Variants in VWA3B observed in about 807,000 individuals in gnomAD.
VWA3B encodes the protein von Willebrand factor A domain containing 3B.
In VWA3B, 138 loss-of-function variants were observed where a neutral mutation model predicts 158.3. That is an observed-to-expected ratio of 0.87 (90% CI 0.76 to 1.00). The LOEUF is 1.00. Among genes scored for constraint, VWA3B ranks in the 50% least tolerant of loss-of-function variants. The pLI is 0.00. For missense variants in VWA3B, 1,555 were observed against 1,565.1 expected, an observed-to-expected ratio of 0.99 and a Z score of 0.11; for synonymous variants, 596 against 587.3, an observed-to-expected ratio of 1.01 and a Z score of -0.21.
the VWA3B span, among the ~76,000 whole-genome samples, chr2:98,322,857 A>G: frequency 1.3e-5 from 2 of 152,088 alleles, no homozygotes; most frequent in Non-Finnish European, 2.9e-5. Flanking sequence ...ATTTGAAGCC[A>G]TAAGAACAGA....
chr2:98,198,286 G>A (rs1001040097), intron 12 of VWA3B, among the ~76,000 whole-genome samples: 4 of 151,884 alleles, frequency 2.6e-5, no homozygotes, highest in African/African-American at 7.3e-5. Context: ...ATATAGTTTC[G>A]ATATTGCTAG....
At chr2:98,139,436 G>T (rs890892662) in intron 7 of VWA3B, among the ~76,000 whole-genome samples, 9 of 152,254 alleles carry the variant, frequency 5.9e-5, no homozygotes, top group Non-Finnish European at 1.3e-4. Context: ...CCCCTGTGTG[G>T]GATCCACTGG....
chr2:98,130,185 T>A (rs1675749266), intron 6 of VWA3B, among the ~76,000 whole-genome samples: 2 of 152,228 alleles, frequency 1.3e-5, no homozygotes, highest in Non-Finnish European at 2.9e-5. Context: ...GCTTTTGATG[T>A]GCATATACAT....
chr2:98,165,256 C>T (rs998336103), intron 8 of VWA3B, among the ~76,000 whole-genome samples: 2 of 152,234 alleles, frequency 1.3e-5, no homozygotes, highest in African/African-American at 2.4e-5. Flanking sequence ...GAGACAGGTG[C>T]TACTGCTAGT....
intron 12 of VWA3B, among the ~76,000 whole-genome samples, chr2:98,198,897 T>G (rs1682284152): frequency 6.6e-6 from 1 of 151,974 alleles, no homozygotes; most frequent in African/African-American, 2.4e-5. Flanking sequence ...CCATCCTGGC[T>G]AACATGGTGA....
intron 15 of VWA3B, among the ~76,000 whole-genome samples, chr2:98,229,512 G>A (rs911479742): frequency 1.3e-5 from 2 of 152,248 alleles, no homozygotes; most frequent in African/African-American, 4.8e-5. Flanking sequence ...AAACATGCAA[G>A]CGTTTCTGGG....
chr2:98,087,913 T>G (rs1222418541), intron 1 of VWA3B, among the ~76,000 whole-genome samples: 1 of 152,234 alleles, frequency 6.6e-6, no homozygotes, highest in Non-Finnish European at 1.5e-5. Context: ...GAAGCTCTGT[T>G]TCTTCTCAGC....
At chr2:98,290,345 G>A (rs1689412204) in intron 22 of VWA3B, among the ~76,000 whole-genome samples, 166 bp from the exon 23 acceptor site, 1 of 152,080 alleles carries the variant, frequency 6.6e-6, no homozygotes. Context: ...CCATGATCCA[G>A]CCACCTCCCA....
Position 98,192,968 on chromosome 2 carries a change from A to G in VWA3B, c.1537A>G (p.Ile513Val). Residue 513 changes from isoleucine (I) to valine (V), a missense_variant, in exon 11 of 28, where the codon ATT (isoleucine) becomes GTT (valine). Coordinates refer to ENST00000477737, the MANE Select transcript of VWA3B (RefSeq NM_144992.5). Reference protein sequence around the residue: ...RLHNDCIYILIDTSHSMKSKL... With the variant: ...RLHNDCIYILVDTSHSMKSKL... ...GCATAATGATTGCATCTACATTCTC[A>G]TTGACACGTCTCACTCAATGAAGAG... The G allele has an allele frequency of 6.2e-7, 1 of 1,614,168 alleles. No homozygotes were observed. The highest frequency in any genetic ancestry group is 1.1e-5 in the South Asian group (1 of 91,086).
chr2:98,202,019 C>G (rs954499396), intron 12 of VWA3B, among the ~76,000 whole-genome samples: 1 of 152,120 alleles, frequency 6.6e-6, no homozygotes, highest in African/African-American at 2.4e-5. Flanking sequence ...TCAGGAAATG[C>G]TGACCTCATA....
At chr2:98,094,562 T>G (rs1166746030) in intron 2 of VWA3B, among the ~76,000 whole-genome samples, 2 of 152,162 alleles carry the variant, frequency 1.3e-5, no homozygotes, top group Non-Finnish European at 2.9e-5. Flanking sequence ...TTTTCCCCTA[T>G]TTCTGTAGGT....
chr2:98,298,373 GATTCTATTCT>G (rs61254436), intron 24 of VWA3B, among the ~76,000 whole-genome samples: 7,488 of 122,198 alleles, frequency 0.061, 239 homozygotes, highest in Middle Eastern at 0.087. Flanking sequence ...AACTACAAAA[GATTCTATTCT>G]ATTCTATTCT....
intron 22 of VWA3B, among the ~76,000 whole-genome samples, chr2:98,272,269 G>T (rs1488313972): frequency 6.6e-6 from 1 of 152,184 alleles, no homozygotes; most frequent in Non-Finnish European, 1.5e-5. Flanking sequence ...TGCGTGAGTG[G>T]CACACAGAAC....
At chr2:98,188,548 T>G (rs1012156118) in intron 10 of VWA3B, among the ~76,000 whole-genome samples, 2 of 152,214 alleles carry the variant, frequency 1.3e-5, no homozygotes, top group African/African-American at 4.8e-5. Flanking sequence ...TACCTCTATC[T>G]GCTCAGATAT....
chr2:98,181,528 C>T (rs1378583027), intron 9 of VWA3B, among the ~76,000 whole-genome samples: 1 of 152,150 alleles, frequency 6.6e-6, no homozygotes, highest in Non-Finnish European at 1.5e-5. Context: ...CCTTTGTTCC[C>T]CCATATTGAA....
At chr2:98,285,704 C>G (rs1243621797) in intron 22 of VWA3B, among the ~76,000 whole-genome samples, 1 of 149,932 alleles carries the variant, frequency 6.7e-6, no homozygotes. Context: ...TGTTCTTTTT[C>G]AACATTTTTT....
At chr2:98,183,566 TC>T (rs1194323235) in intron 9 of VWA3B, among the ~76,000 whole-genome samples, 1 of 152,214 alleles carries the variant, frequency 6.6e-6, no homozygotes, top group African/African-American at 2.4e-5. Flanking sequence ...ATTTCAGGCA[TC>T]CCTGAAATCA....
At chr2:98,178,845 G>A (rs1230823285) in intron 8 of VWA3B, among the ~76,000 whole-genome samples, 1 of 152,260 alleles carries the variant, frequency 6.6e-6, no homozygotes, top group East Asian at 1.9e-4. Flanking sequence ...TAATGTAAGT[G>A]GAGTTAAACA....
chr2:98,179,114 A>AC (rs1389336967), intron 8 of VWA3B: 1 of 434,356 alleles, frequency 2.3e-6, no homozygotes, highest in Non-Finnish European at 4.8e-6. Context: ...CTTTCATCCT[A>AC]CCAAGCGGCC....
Sources: gnomAD v4.1 joint callset for allele counts (sites outside exome capture counted in the v4.1 genomes callset) on GRCh38, gnomAD v4.1.1 for gene constraint, MANE v1.5 for transcripts, NCBI Gene and HGNC (gene_info 2026-07-23, HGNC 2026-07-21) for gene names.